Variants in IGF2BP2 observed in about 807,000 individuals in gnomAD.
IGF2BP2 encodes insulin-like growth factor 2 mRNA-binding protein 2.
Under a neutral mutation model 75.8 loss-of-function variants are expected in IGF2BP2, and 17 were observed. The ratio of observed to expected loss-of-function variants is 0.22; its 90% CI spans 0.15 to 0.34. IGF2BP2 has a LOEUF of 0.34. Among genes scored for constraint, IGF2BP2 ranks in the 10% least tolerant of loss-of-function variants. The probability of loss-of-function intolerance (pLI) is 1.00; values close to 1 mark genes in which losing one functional copy is unlikely to be tolerated. For missense variants in IGF2BP2, 516 were observed against 772.4 expected (o/e 0.67, Z 3.93); for synonymous variants, 288 against 295.6 (o/e 0.97, Z 0.26).
chr3:185,663,362 G>A (rs1228072091), intron 10 of IGF2BP2, among the ~76,000 whole-genome samples: 1 of 152,250 alleles, frequency 6.6e-6, no homozygotes, highest in African/African-American at 2.4e-5. Flanking sequence ...TAACTGAGAG[G>A]CAGAGGGAGA....
chr3:185,790,783 G>T (rs1257765101), intron 2 of IGF2BP2, among the ~76,000 whole-genome samples: 1 of 152,110 alleles, frequency 6.6e-6, no homozygotes, highest in Non-Finnish European at 1.5e-5. Flanking sequence ...TAATTTAGTA[G>T]CAGAATATTC....
chr3:185,699,794 C>T lies in IGF2BP2; in HGVS notation c.240-1447G>A, dbSNP rs116990199. ...TATCCTGAAGTATATTTAATCCATC[C>T]CCTACTAATGGACATTTGGGCCTTT... On this transcript the variant is annotated intron_variant, in intron 2 of 15. Coordinates refer to ENST00000382199, the MANE Select transcript of IGF2BP2 (RefSeq NM_006548.6). Among the ~76,000 whole-genome samples the T allele has an allele frequency of 4.6e-5, 7 of 152,196 alleles. No individual in the cohort carries two copies. The East Asian group carries it at 1.4e-3, about 29-fold the overall frequency.
At chr3:185,810,772 A>C (rs1379066323) in intron 2 of IGF2BP2, among the ~76,000 whole-genome samples, 4 of 111,954 alleles carry the variant, frequency 3.6e-5, no homozygotes, top group Non-Finnish European at 5.1e-5. Flanking sequence ...ACTCTGTCTC[A>C]AAAAAAAAAA....
intron 2 of IGF2BP2, among the ~76,000 whole-genome samples, chr3:185,718,702 A>AG (rs1441510501): frequency 6.6e-6 from 1 of 151,116 alleles, no homozygotes; most frequent in Non-Finnish European, 1.5e-5. Flanking sequence ...AAAAAAAAAA[A>AG]AAAAAAGAAA....
intron 2 of IGF2BP2, among the ~76,000 whole-genome samples, chr3:185,812,917 C>T (rs150630590): frequency 1.4e-3 from 220 of 152,336 alleles, no homozygotes; most frequent in Non-Finnish European, 1.9e-4. Context: ...AACACCGTGA[C>T]CACAATCGAT....
chr3:185,682,880 T>C (rs766042199), intron 7 of IGF2BP2, among the ~76,000 whole-genome samples: 11 of 152,184 alleles, frequency 7.2e-5, no homozygotes, highest in Admixed American at 2.0e-4. Context: ...GGAAAAAGTA[T>C]GAAGGCTCCC....
At chr3:185,672,436 T>C (rs745420202) in intron 10 of IGF2BP2, 105 bp downstream of exon 10, 12 of 1,167,954 alleles carry the variant, frequency 1.0e-5, no homozygotes, top group Admixed American at 2.7e-5. Flanking sequence ...TACTCGAGCA[T>C]GGCCTTTAAA....
Position 185,687,114 on chromosome 3 carries a change from G to T in IGF2BP2, c.755C>A (p.Ser252Tyr). The T allele has an allele frequency of 6.2e-7, 1 of 1,613,864 alleles. No homozygotes were observed. The highest frequency in any genetic ancestry group is 1.7e-5 in the Admixed American group (1 of 59,882). The change falls in exon 7 of 16, where the codon TCT becomes TAT. Residue 252 changes from serine to tyrosine, a missense_variant. By Grantham distance (144) the Ser-to-Tyr change is moderately radical. Around this residue, in one of 3 missense-constraint regions of IGF2BP2, gnomAD observed 312 missense variants for 474.5 expected, o/e 0.66. Coordinates refer to ENST00000382199, the MANE Select transcript of IGF2BP2 (RefSeq NM_006548.6). The stretch of plus-strand genomic sequence containing the variant: ...TTCAAGAATCATGCGGCATGCTTCA[G>T]AAGTCCCCTCTGGGGTGGCATGGAT... ...VTIHATPEGT[S>Y]EACRMILEIM...
chr3:185,689,539 G>A lies in IGF2BP2; in HGVS notation c.493C>T (p.Pro165Ser). Residue 165 changes from proline to serine, a missense_variant, in exon 6 of 16, where the codon CCC becomes TCC. Physicochemically the swap from Pro to Ser is moderately conservative, Grantham distance 74. Around this residue, in one of 3 missense-constraint regions of IGF2BP2, gnomAD observed 312 missense variants for 474.5 expected, o/e 0.66. Coordinates refer to ENST00000382199, the MANE Select transcript of IGF2BP2 (RefSeq NM_006548.6). ...TCCCCACGCTGGGCTCGCTGAGGGG[G>A]CGAAGGGGAGCTCACCTCTTCATCC... Reference protein sequence around the residue: ...IPDEEVSSPSPPQRAQRGDHS... With the variant: ...IPDEEVSSPSSPQRAQRGDHS... 6.2e-7 allele frequency: 1 copy of A among 1,614,240 alleles called. No homozygotes were observed. The highest frequency in any genetic ancestry group is 8.5e-7 in the Non-Finnish European group (1 of 1,180,038).
chr3:185,744,061 T>C (rs1178464491), intron 2 of IGF2BP2, among the ~76,000 whole-genome samples: 1 of 152,152 alleles, frequency 6.6e-6, no homozygotes, highest in Non-Finnish European at 1.5e-5. Context: ...AGCCCCAGAC[T>C]CTGGCAATGA....
At position 185,825,005 on chromosome 3, in the gene IGF2BP2, G is replaced by A. The variant is rs758495275; in HGVS notation, c.-45C>T. On this transcript the variant is annotated 5_prime_UTR_variant, in exon 1 of 16. Transcript: ENST00000382199. ...CCGCGGCTCCCCCGGCCCGGTACCC[G>A]GCGCTCCTCGCCTCCTCCGCTGCCC... 56 of 1,414,058 alleles carry A rather than the reference G, an allele frequency of 4.0e-5. No individual in the cohort carries two copies. The Admixed American group carries it at 7.0e-4, about 18-fold the overall frequency. 87.6% of individuals were successfully genotyped at this position (1,414,058 alleles called of 1,614,324 possible).
chr3:185,665,236 G>GAGAAGGAGA (rs1255718585), intron 10 of IGF2BP2, among the ~76,000 whole-genome samples: 1 of 142,712 alleles, frequency 7.0e-6, no homozygotes, highest in African/African-American at 2.6e-5. Flanking sequence ...GGAGGAGGAG[G>GAGAAGGAGA]AGAAGGAGAA....
intron 3 of IGF2BP2, 148 bp downstream of exon 3, chr3:185,698,151 G>T: frequency 1.5e-6 from 1 of 653,710 alleles, no homozygotes. Context: ...ACTCATTACA[G>T]ATCACATACA....
At chr3:185,816,879 A>T (rs1740686710) in intron 2 of IGF2BP2, among the ~76,000 whole-genome samples, 1 of 152,214 alleles carries the variant, frequency 6.6e-6, no homozygotes, top group Non-Finnish European at 1.5e-5. Context: ...TTCTGATCAC[A>T]TTTAAAACAA....
rs575691663 is a variant in IGF2BP2 at position 185,735,863 on chromosome 3, T to C, written c.240-37516A>G. On this transcript the variant is annotated intron_variant, in intron 2 of 15. Transcript: ENST00000382199. ...ACAGAAGTGGAGCTCATTAAGTTTG[T>C]TGAATGAGTGAATGAATGGGGGGTG... Among the ~76,000 whole-genome samples the C allele has an allele frequency of 8.5e-5, 13 of 152,288 alleles. No individual in the cohort carries two copies. The East Asian group carries it at 9.6e-4, about 11-fold the overall frequency.
intron 7 of IGF2BP2, 28 bp from the exon 8 acceptor site, chr3:185,675,941 C>T (rs748097949): frequency 2.5e-6 from 4 of 1,610,958 alleles, no homozygotes; most frequent in Non-Finnish European, 2.5e-6. Context: ...CAAGTTAACA[C>T]TTCAGATACG....
rs896830272 is a variant in IGF2BP2 at position 185,643,328 on chromosome 3, C to G, written c.*2203G>C. Reference sequence around the variant, plus strand: ...AAGCAGCTTTGCCTGGCCAGGCTTGCAGTTCCTTAAGGATAGACTGGTCTT... The same window carrying G: ...AAGCAGCTTTGCCTGGCCAGGCTTGGAGTTCCTTAAGGATAGACTGGTCTT... On this transcript the variant is annotated 3_prime_UTR_variant, in exon 16 of 16. Coordinates refer to ENST00000382199, the MANE Select transcript of IGF2BP2 (RefSeq NM_006548.6). 1.3e-5 allele frequency among the ~76,000 whole-genome samples: 2 copies of G among 152,176 alleles called. No homozygotes were observed. The highest frequency in any genetic ancestry group is 2.9e-5 in the Non-Finnish European group (2 of 68,030).
intron 10 of IGF2BP2, among the ~76,000 whole-genome samples, chr3:185,664,825 CCAGAAGGAG>C (rs1717030664): frequency 6.6e-6 from 1 of 151,818 alleles, no homozygotes; most frequent in South Asian, 2.1e-4. Context: ...AGTGGGAACT[CCAGAAGGAG>C]AAAATAAAGT....
At chr3:185,660,309 C>T (rs189792133) in intron 10 of IGF2BP2, among the ~76,000 whole-genome samples, 521 of 152,320 alleles carry the variant, frequency 3.4e-3, no homozygotes, top group Non-Finnish European at 5.2e-3. Flanking sequence ...GGTTTGGAGT[C>T]TGGTGACCCA....
Sources: allele counts gnomAD v4.1 joint callset (sites outside exome capture counted in the v4.1 genomes callset), GRCh38; gene constraint gnomAD v4.1.1; regional missense constraint gnomAD v4.1.1; transcripts MANE v1.5; gene names NCBI Gene and HGNC (gene_info 2026-07-23, HGNC 2026-07-21).